The following TMCC1 variants were observed in gnomAD, a reference collection of about 807,000 sequenced individuals.
TMCC1 encodes transmembrane and coiled-coil domains protein 1.
TMCC1 carries 15 observed loss-of-function variants against 52.4 expected under a neutral mutation model. The observed-to-expected ratio is 0.29, with a 90% CI of 0.19 to 0.44. The LOEUF (loss-of-function observed/expected upper bound fraction) is 0.44. Ranked by LOEUF, TMCC1 falls within the 20% of genes least tolerant of loss-of-function variation. The pLI, the probability that TMCC1 is intolerant of heterozygous loss-of-function variation, is 1.00. For missense variants in TMCC1, 503 were observed against 806.0 expected (o/e 0.62, Z 4.55); for synonymous variants, 279 against 301.9 (o/e 0.92, Z 0.79).
intron 4 of TMCC1, among the ~76,000 whole-genome samples, chr3:129,798,057 A>T (rs2056958384): frequency 7.0e-6 from 1 of 143,648 alleles, no homozygotes; most frequent in Admixed American, 7.3e-5. Flanking sequence ...GTGCAATGGC[A>T]TGGTCTCAGC....
At chr3:129,752,785 A>G (rs145893551) in intron 4 of TMCC1, among the ~76,000 whole-genome samples, 36 of 152,324 alleles carry the variant, frequency 2.4e-4, no homozygotes, top group African/African-American at 8.4e-4. Context: ...ACACTGCTAT[A>G]AAGACACACC....
intron 2 of TMCC1, among the ~76,000 whole-genome samples, chr3:129,871,654 A>C (rs2060936218): frequency 6.6e-6 from 1 of 152,240 alleles, no homozygotes; most frequent in Non-Finnish European, 1.5e-5. Context: ...CAAACTGGGA[A>C]AATAAATTTG....
At position 129,670,533 on chromosome 3, in the gene TMCC1, G is replaced by A. The variant is rs1415897498; in HGVS notation, c.1308C>T (p.Thr436=). 1 of 1,614,064 alleles carries A rather than the reference G, an allele frequency of 6.2e-7. No homozygotes were observed. The highest frequency in any genetic ancestry group is 1.3e-5 in the African/African-American group (1 of 74,910). Residue 436 remains threonine, a synonymous_variant, in exon 5 of 7, where the codon ACC becomes ACT. Coordinates refer to ENST00000393238, the MANE Select transcript of TMCC1 (RefSeq NM_001017395.5). ...ATSGSVGANS[T]TGGIAVGASS... is the part of the protein sequence containing the mutation. ...ATGCTCCTACAGCGATGCCCCCTGTGGTGCTGTTGGCTCCCACTGAGCCTG... is the reference window on the plus strand; with the variant it reads ...ATGCTCCTACAGCGATGCCCCCTGTAGTGCTGTTGGCTCCCACTGAGCCTG...
chr3:129,840,314 G>A (rs1205578421), intron 2 of TMCC1, among the ~76,000 whole-genome samples: 1 of 88,074 alleles, frequency 1.1e-5, no homozygotes, highest in Non-Finnish European at 2.0e-5. Flanking sequence ...GTGACAGAGT[G>A]AGAACCTGTC....
At chr3:129,767,507 G>C (rs1375563399) in intron 4 of TMCC1, among the ~76,000 whole-genome samples, 1 of 151,988 alleles carries the variant, frequency 6.6e-6, no homozygotes, top group Non-Finnish European at 1.5e-5. Context: ...TGAGTAGCTA[G>C]GACTACAGGT....
chr3:129,849,271 T>C (rs2107894687), intron 2 of TMCC1, among the ~76,000 whole-genome samples: 1 of 152,226 alleles, frequency 6.6e-6, no homozygotes, highest in Admixed American at 6.5e-5. Flanking sequence ...GAGACCAGCC[T>C]GGCCAACATG....
chr3:129,829,261 T>C (rs1264550337), intron 3 of TMCC1, among the ~76,000 whole-genome samples: 2 of 152,156 alleles, frequency 1.3e-5, no homozygotes, highest in Non-Finnish European at 2.9e-5. Context: ...CTCTATAGTG[T>C]CATCCCTGAC....
chr3:129,743,270 T>C (rs182105160), intron 4 of TMCC1, among the ~76,000 whole-genome samples: 158 of 152,300 alleles, frequency 1.0e-3, no homozygotes, highest in African/African-American at 3.4e-3. Flanking sequence ...TTTCCTCATC[T>C]TTGAAGCTTC....
intron 2 of TMCC1, among the ~76,000 whole-genome samples, chr3:129,865,025 C>T (rs1319916049): frequency 6.6e-6 from 1 of 152,120 alleles, no homozygotes; most frequent in African/African-American, 2.4e-5. Context: ...AGACTTTGTT[C>T]TAGGTAGGGA....
intron 4 of TMCC1, among the ~76,000 whole-genome samples, chr3:129,768,976 C>CA (rs1256680121): frequency 3.9e-5 from 6 of 152,302 alleles, no homozygotes; most frequent in African/African-American, 1.4e-4. Context: ...ACCCTGACCT[C>CA]ACAGAGTTCA....
At chr3:129,676,350 C>G (rs561462251) in intron 4 of TMCC1, among the ~76,000 whole-genome samples, 1 of 152,166 alleles carries the variant, frequency 6.6e-6, no homozygotes, top group African/African-American at 2.4e-5. Context: ...CAAGGCAATG[C>G]GCTAAAAAGC....
chr3:129,823,650 A>AC (rs200263780), intron 4 of TMCC1, among the ~76,000 whole-genome samples: 5 of 152,142 alleles, frequency 3.3e-5, no homozygotes, highest in African/African-American at 7.2e-5. Context: ...AAACAAACAA[A>AC]AAAACAGTCT....
intron 2 of TMCC1, among the ~76,000 whole-genome samples, chr3:129,879,967 G>C (rs2061389272): frequency 6.6e-6 from 1 of 151,974 alleles, no homozygotes; most frequent in Admixed American, 6.6e-5. Context: ...GAGCCCAGGA[G>C]TTTGAGACCA....
chr3:129,879,239 G>A (rs548085345), intron 2 of TMCC1, among the ~76,000 whole-genome samples: 2 of 152,226 alleles, frequency 1.3e-5, no homozygotes, highest in South Asian at 2.1e-4. Context: ...CCAAGAGTTC[G>A]AGACCAGCAT....
At chr3:129,869,203 T>C (rs1030685996) in intron 2 of TMCC1, 1 of 152,140 alleles carries the variant, frequency 6.6e-6, no homozygotes, top group African/African-American at 2.4e-5. Flanking sequence ...AACTGGGGAC[T>C]GACTAAATGA....
intron 1 of TMCC1, among the ~76,000 whole-genome samples, chr3:129,891,829 A>G (rs1262553341): frequency 1.3e-5 from 2 of 152,232 alleles, no homozygotes; most frequent in African/African-American, 2.4e-5. Context: ...CTGAGCCATT[A>G]TATGTTCTGC....
chr3:129,878,204 TCTGC>T (rs2061313090), intron 2 of TMCC1, among the ~76,000 whole-genome samples: 1 of 152,054 alleles, frequency 6.6e-6, no homozygotes, highest in Non-Finnish European at 1.5e-5. Context: ...CCTCAGGTGA[TCTGC>T]CCGCCTCGGC....
chr3:129,685,015 TTAAA>T (rs2089297972), intron 4 of TMCC1, among the ~76,000 whole-genome samples: 1 of 152,122 alleles, frequency 6.6e-6, no homozygotes, highest in Non-Finnish European at 1.5e-5. Flanking sequence ...GCAGGTCCAA[TTAAA>T]TAAATGACAC....
At chr3:129,863,397 C>G (rs1215463744) in intron 2 of TMCC1, among the ~76,000 whole-genome samples, 4 of 151,994 alleles carry the variant, frequency 2.6e-5, no homozygotes, top group South Asian at 2.1e-4. Flanking sequence ...GCCTTGGTAC[C>G]TCAAAAATCA....
Sources: gnomAD v4.1 joint callset for allele counts (sites outside exome capture counted in the v4.1 genomes callset) on GRCh38, gnomAD v4.1.1 for gene constraint, MANE v1.5 for transcripts, NCBI Gene and HGNC (gene_info 2026-07-23, HGNC 2026-07-21) for gene names.